The following UBE2E3 variants were observed in gnomAD, a reference collection of about 807,000 sequenced individuals.
UBE2E3 encodes ubiquitin-conjugating enzyme E2 E3.
In UBE2E3, 5 loss-of-function variants were observed where a neutral mutation model predicts 23.6. The observed-to-expected ratio is 0.21, with a 90% CI of 0.11 to 0.44. The LOEUF is 0.44. UBE2E3 is among the 20% of genes least tolerant of loss of function. UBE2E3 has a pLI of 0.99. For synonymous variants in UBE2E3, 78 were observed against 87.5 expected, an observed-to-expected ratio of 0.89 and a Z score of 0.60; for missense variants, 81 against 249.8, an observed-to-expected ratio of 0.32 and a Z score of 4.55.
intron 3 of UBE2E3, among the ~76,000 whole-genome samples, chr2:181,005,275 T>C (rs1685116146): frequency 6.6e-6 from 1 of 152,256 alleles, no homozygotes; most frequent in African/African-American, 2.4e-5. Context: ...ACCTCCCAGC[T>C]GTGTTCTTCA....
chr2:181,054,334 G>A (rs527861761), intron 3 of UBE2E3, among the ~76,000 whole-genome samples: 42 of 151,874 alleles, frequency 2.8e-4, no homozygotes, highest in African/African-American at 9.4e-4. Context: ...TGCATTTCCT[G>A]TACCATTTTG....
chr2:181,035,230 A>G (rs1212575733), intron 3 of UBE2E3, among the ~76,000 whole-genome samples: 1 of 152,180 alleles, frequency 6.6e-6, no homozygotes, highest in Non-Finnish European at 1.5e-5. Flanking sequence ...TAAAACCTAC[A>G]CCTATTATAC....
intron 3 of UBE2E3, among the ~76,000 whole-genome samples, chr2:181,011,741 T>C (rs1685335776): frequency 6.6e-6 from 1 of 152,164 alleles, no homozygotes; most frequent in Non-Finnish European, 1.5e-5. Context: ...CAAGTAGTGT[T>C]ATAGAAATTG....
chr2:181,054,006 T>A (rs1686918033), intron 3 of UBE2E3, among the ~76,000 whole-genome samples: 1 of 151,834 alleles, frequency 6.6e-6, no homozygotes, highest in African/African-American at 2.4e-5. Context: ...TTCATCCATA[T>A]CTTTTCATGG....
At chr2:181,042,069 CT>C (rs1369206514) in intron 3 of UBE2E3, among the ~76,000 whole-genome samples, 1 of 152,228 alleles carries the variant, frequency 6.6e-6, no homozygotes, top group Non-Finnish European at 1.5e-5. Flanking sequence ...AACTAAACTC[CT>C]GGCTTTATAC....
At chr2:181,020,193 A>G (rs913537724) in intron 3 of UBE2E3, among the ~76,000 whole-genome samples, 3 of 148,848 alleles carry the variant, frequency 2.0e-5, no homozygotes, top group East Asian at 1.9e-4. Flanking sequence ...GTTCTCCAGT[A>G]TAAGATGTGG....
At chr2:181,029,893 G>A (rs1686022172) in intron 3 of UBE2E3, among the ~76,000 whole-genome samples, 1 of 149,390 alleles carries the variant, frequency 6.7e-6, no homozygotes, top group South Asian at 2.1e-4. Flanking sequence ...TGGGGGTGCA[G>A]TGGTGCAGTC....
At chr2:181,013,715 G>A (rs1685399631) in intron 3 of UBE2E3, among the ~76,000 whole-genome samples, 1 of 152,182 alleles carries the variant, frequency 6.6e-6, no homozygotes, top group African/African-American at 2.4e-5. Flanking sequence ...GTGTGCAGCA[G>A]ATGAAATCCT....
intron 3 of UBE2E3, among the ~76,000 whole-genome samples, chr2:181,018,598 GTTTTT>G (rs4018770): frequency 0.24 from 31,106 of 128,956 alleles, 3,788 homozygotes; most frequent in Non-Finnish European, 0.3. Flanking sequence ...CAATTTCTGT[GTTTTT>G]TTTTTTTTTT....
chr2:181,036,652 A>G (rs972279924), intron 3 of UBE2E3, among the ~76,000 whole-genome samples: 1 of 152,150 alleles, frequency 6.6e-6, no homozygotes, highest in African/African-American at 2.4e-5. Flanking sequence ...GATGGTTCAC[A>G]CCCTGTGCCC....
chr2:181,026,807 A>G lies in UBE2E3; in HGVS notation c.246-30886A>G, dbSNP rs546182138. Among the ~76,000 whole-genome samples, 17 of 152,066 alleles carry G rather than the reference A, an allele frequency of 1.1e-4. No homozygotes were observed. In the East Asian group the frequency reaches 2.1e-3, roughly 19 times the overall value. On this transcript the variant is annotated intron_variant, in intron 3 of 5. Transcript: ENST00000410062. Reference sequence around the variant, plus strand: ...ACATGCTAATGGCAATATTAGATCTATTGAACAGATATCATCAGTAAACAG... The same window carrying G: ...ACATGCTAATGGCAATATTAGATCTGTTGAACAGATATCATCAGTAAACAG...
At chr2:180,986,153 C>T (rs530650934) in intron 3 of UBE2E3, among the ~76,000 whole-genome samples, 20 of 152,246 alleles carry the variant, frequency 1.3e-4, no homozygotes, top group South Asian at 1.0e-3. Context: ...CCTGCTTTCC[C>T]TTGTCACAAC....
At chr2:181,008,081 A>G (rs547779583) in intron 3 of UBE2E3, among the ~76,000 whole-genome samples, 1 of 152,324 alleles carries the variant, frequency 6.6e-6, no homozygotes, top group African/African-American at 2.4e-5. Flanking sequence ...TTGAGATTTA[A>G]TCAGTTTAAA....
At chr2:181,031,823 C>G (rs1686088531) in intron 3 of UBE2E3, among the ~76,000 whole-genome samples, 1 of 152,132 alleles carries the variant, frequency 6.6e-6, no homozygotes, top group East Asian at 1.9e-4. Context: ...ATAATCTTAA[C>G]TCATTCTAGT....
intron 3 of UBE2E3, among the ~76,000 whole-genome samples, chr2:181,033,421 A>C (rs1024298159): frequency 2.0e-5 from 3 of 152,196 alleles, no homozygotes; most frequent in East Asian, 1.9e-4. Flanking sequence ...CAAAAACAAG[A>C]AATGGGGAAA....
intron 3 of UBE2E3, among the ~76,000 whole-genome samples, chr2:181,045,075 G>A (rs1686630666): frequency 6.6e-6 from 1 of 152,134 alleles, no homozygotes; most frequent in Admixed American, 6.6e-5. Context: ...GAAAGAGAGG[G>A]AGGGAAATGG....
intron 3 of UBE2E3, among the ~76,000 whole-genome samples, chr2:181,056,268 G>C (rs1463716149): frequency 6.6e-6 from 1 of 151,732 alleles, no homozygotes; most frequent in Admixed American, 6.6e-5. Flanking sequence ...ACAGGCAGGA[G>C]AAGAGGCTCA....
intron 3 of UBE2E3, among the ~76,000 whole-genome samples, chr2:181,015,189 G>A (rs1282212378): frequency 1.3e-5 from 2 of 152,112 alleles, no homozygotes; most frequent in Non-Finnish European, 2.9e-5. Flanking sequence ...TCCTATACAT[G>A]TGAATTTAGT....
At chr2:181,048,965 A>T (rs1321104846) in intron 3 of UBE2E3, among the ~76,000 whole-genome samples, 1 of 151,984 alleles carries the variant, frequency 6.6e-6, no homozygotes, top group Non-Finnish European at 1.5e-5. Context: ...AAAATGAACA[A>T]CTCATTGCTA....
Sources: gnomAD v4.1 joint callset for allele counts (sites outside exome capture counted in the v4.1 genomes callset) on GRCh38, gnomAD v4.1.1 for gene constraint, MANE v1.5 for transcripts, NCBI Gene and HGNC (gene_info 2026-07-23, HGNC 2026-07-21) for gene names.